Variants in ALKBH8 observed in about 807,000 individuals in gnomAD.
The protein encoded by ALKBH8 is tRNA (carboxymethyluridine(34)-5-O)-methyltransferase ALKBH8.
A neutral mutation model predicts 59.8 loss-of-function variants in ALKBH8; 36 were observed. That is an observed-to-expected ratio of 0.60 (90% confidence interval 0.46 to 0.79). The LOEUF (loss-of-function observed/expected upper bound fraction) is 0.79, where lower values mean the gene tolerates loss of function less well. ALKBH8 is among the 30% of genes least tolerant of loss of function. The pLI is 0.00. For synonymous variants in ALKBH8, 276 were observed against 273.6 expected, an observed-to-expected ratio of 1.01 and a Z score of -0.09; for missense variants, 768 against 801.0, an observed-to-expected ratio of 0.96 and a Z score of 0.50.
chr11:107,564,703 C>T (rs1865061345), intron 1 of ALKBH8, among the ~76,000 whole-genome samples: 1 of 152,138 alleles, frequency 6.6e-6, no homozygotes, highest in South Asian at 2.1e-4. Flanking sequence ...CACGGCACCC[C>T]GTTTTAACTC....
At chr11:107,514,736 A>C (rs1203414885) in intron 10 of ALKBH8, among the ~76,000 whole-genome samples, 2 of 152,198 alleles carry the variant, frequency 1.3e-5, no homozygotes, top group Non-Finnish European at 2.9e-5. Context: ...AATTCGGTTC[A>C]TAGAATTGGA....
Position 107,510,920 on chromosome 11 carries a change from G to A in ALKBH8, c.1404C>T (p.Ile468=). 1 of 1,551,664 alleles carries A rather than the reference G, an allele frequency of 6.4e-7. No individual in the cohort carries two copies. The highest frequency in any genetic ancestry group is 8.7e-7 in the Non-Finnish European group (1 of 1,146,934). ...CAAAATGATGAATAACAGCAATGGA[G>A]ATGCAGGCATCACAAGACCCACTGC... ...PVRSGSCDAC[I]SIAVIHHFAT... The change falls in exon 11 of 12, where the codon ATC becomes ATT. Residue 468 remains isoleucine (I), a synonymous_variant. Transcript: ENST00000428149.
intron 11 of ALKBH8, among the ~76,000 whole-genome samples, chr11:107,507,506 A>C (rs1456789369): frequency 2.0e-5 from 3 of 152,188 alleles, no homozygotes; most frequent in Non-Finnish European, 4.4e-5. Flanking sequence ...GGTTGAAAAA[A>C]AGATTATTAA....
Position 107,504,426 on chromosome 11 carries a change from T to C in ALKBH8, c.*232A>G, listed in dbSNP as rs2135457990. On this transcript the variant is annotated 3_prime_UTR_variant, in exon 12 of 12. Transcript: ENST00000428149. The stretch of plus-strand genomic sequence containing the variant: ...ACTGCACAAACTGCTTCAATCACTT[T>C]TAGAAACCACCTCTCCTAGGGAAGT... The C allele has an allele frequency of 1.1e-5, 7 of 649,720 alleles. No individual in the cohort carries two copies. The East Asian group carries it at 1.1e-4, about 10-fold the overall frequency. 40.2% of individuals were successfully genotyped at this position (649,720 alleles called of 1,614,324 possible).
At chr11:107,526,341 TTTAAG>T (rs142848663) in intron 8 of ALKBH8, among the ~76,000 whole-genome samples, 2,028 of 152,100 alleles carry the variant, frequency 0.013, 24 homozygotes, top group South Asian at 0.034. Context: ...AAATTGTGGT[TTTAAG>T]TTATTATTTA....
At chr11:107,561,264 G>A (rs1433279817) in intron 1 of ALKBH8, among the ~76,000 whole-genome samples, 2 of 152,022 alleles carry the variant, frequency 1.3e-5, no homozygotes, top group Non-Finnish European at 1.5e-5. Context: ...GCAGGGGAGC[G>A]GTGGGGGGAG....
chr11:107,549,483 A>G (rs1864406209), intron 7 of ALKBH8, among the ~76,000 whole-genome samples: 2 of 152,204 alleles, frequency 1.3e-5, no homozygotes, highest in Non-Finnish European at 2.9e-5. Context: ...GCCACATTGT[A>G]CCAAGGAAAG....
At chr11:107,536,808 G>T (rs1178409865) in intron 7 of ALKBH8, among the ~76,000 whole-genome samples, 1 of 152,132 alleles carries the variant, frequency 6.6e-6, no homozygotes, top group Non-Finnish European at 1.5e-5. Flanking sequence ...CGGCAGAGGT[G>T]CCTGAAGAGG....
chr11:107,506,399 G>A (rs1174735328), intron 11 of ALKBH8, among the ~76,000 whole-genome samples: 3 of 150,116 alleles, frequency 2.0e-5, no homozygotes, highest in East Asian at 1.9e-4. Context: ...CCAAAGGACT[G>A]AAAAACAGAG....
At chr11:107,532,919 C>G (rs1433964266) in intron 7 of ALKBH8, among the ~76,000 whole-genome samples, 1 of 151,968 alleles carries the variant, frequency 6.6e-6, no homozygotes, top group Non-Finnish European at 1.5e-5. Context: ...TACACAAAAA[C>G]TAGCTATTGT....
intron 7 of ALKBH8, among the ~76,000 whole-genome samples, chr11:107,544,426 C>T (rs756710489): frequency 6.6e-6 from 1 of 152,020 alleles, no homozygotes; most frequent in African/African-American, 2.4e-5. Context: ...CTTATTTGAC[C>T]AATTTATGCA....
chr11:107,524,629 T>C (rs1189187569), intron 9 of ALKBH8, among the ~76,000 whole-genome samples: 1 of 152,198 alleles, frequency 6.6e-6, no homozygotes, highest in Non-Finnish European at 1.5e-5. Flanking sequence ...AGGACACTTT[T>C]AGTAAAATAA....
intron 2 of ALKBH8, among the ~76,000 whole-genome samples, chr11:107,559,677 A>G (rs1864859576): frequency 6.6e-6 from 1 of 152,166 alleles, no homozygotes; most frequent in African/African-American, 2.4e-5. Flanking sequence ...ATTCTAATCT[A>G]TTATCTATTT....
chr11:107,518,556 C>T (rs1221328907), intron 10 of ALKBH8, among the ~76,000 whole-genome samples: 1 of 152,266 alleles, frequency 6.6e-6, no homozygotes, highest in Non-Finnish European at 1.5e-5. Context: ...CAACAAACAC[C>T]TGGCCCGCCC....
chr11:107,556,906 AT>A lies in ALKBH8; in HGVS notation c.226del (p.Met76CysfsTer30). On this transcript the variant is annotated frameshift_variant, in exon 3 of 12. Transcript: ENST00000428149. LOFTEE classifies it high-confidence loss of function. Reference sequence around the variant, plus strand: ...AAATGAGTACGGCTTGTTAGGTGGCATTAAGAGAGCATCCACCAGTCCACAT... The same window carrying A: ...AAATGAGTACGGCTTGTTAGGTGGCATAAGAGAGCATCCACCAGTCCACAT... ...EKCGLVDALL[M>X]PPNKPYSFAR... 3.7e-6 allele frequency: 6 copies of A among 1,612,714 alleles called. No homozygotes were observed. Among genetic ancestry groups the A allele is most frequent in the Non-Finnish European group, 5.1e-6 (6 of 1,179,366 alleles).
In ALKBH8 at chr11:107,504,895, A is replaced by G. The variant is rs1193352767; in HGVS notation, c.1758T>C (p.Ser586=). 6.4e-7 allele frequency: 1 copy of G among 1,551,954 alleles called. No homozygotes were observed. The highest frequency in any genetic ancestry group is 2.4e-5 in the East Asian group (1 of 40,924). Residue 586 remains serine (S), a synonymous_variant, in exon 12 of 12, where the codon TCT becomes TCC. Transcript: ENST00000428149. ...SKLPVHVNRT[S]FYSQDVLVPW... is the part of the protein sequence containing the mutation. Reference sequence around the variant, plus strand: ...GAACCAGTACATCTTGAGAATAAAAAGAAGTCCTGTTAACATGAACAGGCA... The same window carrying G: ...GAACCAGTACATCTTGAGAATAAAAGGAAGTCCTGTTAACATGAACAGGCA...
chr11:107,525,314 A>T, intron 9 of ALKBH8, 127 bp downstream of exon 9: 1 of 848,424 alleles, frequency 1.2e-6, no homozygotes, highest in South Asian at 3.0e-5. Flanking sequence ...AGTGCAATAC[A>T]AGGCAAAATA....
chr11:107,515,041 T>G (rs1862804308), intron 10 of ALKBH8, among the ~76,000 whole-genome samples: 1 of 152,188 alleles, frequency 6.6e-6, no homozygotes, highest in South Asian at 2.1e-4. Flanking sequence ...TCAGATCTGA[T>G]GTAGATTCCC....
intron 10 of ALKBH8, among the ~76,000 whole-genome samples, chr11:107,519,425 A>C (rs1863013658): frequency 6.6e-6 from 1 of 152,180 alleles, no homozygotes; most frequent in Non-Finnish European, 1.5e-5. Context: ...ATTTTTAAAA[A>C]TATACAACAT....
Sources: allele counts gnomAD v4.1 joint callset (sites outside exome capture counted in the v4.1 genomes callset), GRCh38; gene constraint gnomAD v4.1.1; transcripts MANE v1.5; gene names NCBI Gene and HGNC (gene_info 2026-07-23, HGNC 2026-07-21).